Variants in CSMD3 observed in about 807,000 individuals in gnomAD.
CSMD3 encodes the protein CUB and sushi domain-containing protein 3.
CSMD3 carries 177 observed loss-of-function variants against 435.2 expected under a neutral mutation model. The ratio of observed to expected loss-of-function variants is 0.41; its 90% CI spans 0.36 to 0.46. The LOEUF (loss-of-function observed/expected upper bound fraction) is 0.46, where lower values mean the gene tolerates loss of function less well. Ranked by LOEUF, CSMD3 falls within the 20% of genes least tolerant of loss-of-function variation. CSMD3 has a pLI of 0.34. For missense variants in CSMD3, 4,265 were observed against 4,504.6 expected, an observed-to-expected ratio of 0.95 and a Z score of 1.52; for synonymous variants, 1,656 against 1,520.5, an observed-to-expected ratio of 1.09 and a Z score of -2.07.
chr8:112,314,396 G>T (rs2130835235), intron 48 of CSMD3, 33 bp downstream of exon 48: 4 of 1,413,908 alleles, frequency 2.8e-6, no homozygotes, highest in Non-Finnish European at 4.0e-6. Flanking sequence ...GTACTTAATT[G>T]ATGAATATCC....
intron 18 of CSMD3, among the ~76,000 whole-genome samples, chr8:112,655,147 A>G (rs1171043964): frequency 6.6e-6 from 1 of 152,160 alleles, no homozygotes; most frequent in East Asian, 1.9e-4. Context: ...AATTATTTTA[A>G]AAACCCATGA....
At chr8:112,575,994 T>C (rs1433875887) in intron 23 of CSMD3, among the ~76,000 whole-genome samples, 1 of 152,106 alleles carries the variant, frequency 6.6e-6, no homozygotes, top group African/African-American at 2.4e-5. Flanking sequence ...ATTTTCCTTG[T>C]GTTCCCCTTA....
intron 50 of CSMD3, among the ~76,000 whole-genome samples, chr8:112,307,547 T>C (rs908176586): frequency 7.2e-5 from 11 of 152,108 alleles, no homozygotes; most frequent in African/African-American, 9.7e-5. Flanking sequence ...CCTTCCAAAG[T>C]ACTGGGATTA....
intron 45 of CSMD3, among the ~76,000 whole-genome samples, chr8:112,320,311 T>C (rs1822873593): frequency 6.6e-6 from 1 of 152,130 alleles, no homozygotes; most frequent in Non-Finnish European, 1.5e-5. Flanking sequence ...GCTCTGTGCC[T>C]ATCTTTCCCA....
intron 9 of CSMD3, among the ~76,000 whole-genome samples, chr8:112,929,533 G>A (rs1434559763): frequency 1.3e-5 from 2 of 151,846 alleles, no homozygotes; most frequent in African/African-American, 2.4e-5. Context: ...ATTCTGCTTT[G>A]CTTTATCTCT....
intron 59 of CSMD3, among the ~76,000 whole-genome samples, chr8:112,277,967 G>A (rs769615664): frequency 5.3e-5 from 8 of 152,102 alleles, no homozygotes; most frequent in Non-Finnish European, 8.8e-5. Flanking sequence ...GATTTGGGTG[G>A]GGACACAGCC....
intron 5 of CSMD3, among the ~76,000 whole-genome samples, chr8:113,054,191 C>A (rs2088219008): frequency 6.6e-6 from 1 of 152,110 alleles, no homozygotes; most frequent in South Asian, 2.1e-4. Context: ...ATTATTATTT[C>A]TCTTTTCCCA....
chr8:113,044,171 A>G (rs2087736429), intron 5 of CSMD3, among the ~76,000 whole-genome samples: 1 of 152,088 alleles, frequency 6.6e-6, no homozygotes, highest in Admixed American at 6.5e-5. Flanking sequence ...TGAGATTGAT[A>G]TTTCAAAGTA....
intron 16 of CSMD3, among the ~76,000 whole-genome samples, chr8:112,670,460 A>G (rs2075630699): frequency 6.6e-6 from 1 of 152,210 alleles, no homozygotes; most frequent in African/African-American, 2.4e-5. Flanking sequence ...TTCATGTAAA[A>G]TGGATTGCAG....
chr8:112,577,868 A>G (rs1237127315), intron 23 of CSMD3, among the ~76,000 whole-genome samples: 3 of 152,144 alleles, frequency 2.0e-5, no homozygotes, highest in African/African-American at 7.2e-5. Context: ...ATTCTAACTC[A>G]TTTATCTAAT....
At chr8:112,650,679 C>T (rs2075102542) in intron 18 of CSMD3, among the ~76,000 whole-genome samples, 1 of 151,948 alleles carries the variant, frequency 6.6e-6, no homozygotes, top group Non-Finnish European at 1.5e-5. Context: ...TTATTATATT[C>T]CAAGCACCAT....
intron 6 of CSMD3, among the ~76,000 whole-genome samples, chr8:112,998,754 T>C (rs570737985): frequency 1.3e-5 from 2 of 152,078 alleles, no homozygotes; most frequent in African/African-American, 2.4e-5. Context: ...TGGGACGTGA[T>C]GGAATCATGG....
chr8:112,822,895 T>C (rs76797609), intron 12 of CSMD3, among the ~76,000 whole-genome samples: 1 of 152,178 alleles, frequency 6.6e-6, no homozygotes, highest in Admixed American at 6.5e-5. Flanking sequence ...AAGATAATCA[T>C]GTGGTTTTTG....
chr8:112,471,329 C>A (rs1376671922), intron 32 of CSMD3, among the ~76,000 whole-genome samples: 3 of 152,148 alleles, frequency 2.0e-5, no homozygotes, highest in Non-Finnish European at 4.4e-5. Context: ...GAGCATAAAA[C>A]TCTCTAGCAA....
chr8:112,257,253 T>A lies in CSMD3; in HGVS notation c.9863-1826A>T, dbSNP rs115110931. ...CATTCAACCAAATGCTGGCTAAATA[T>A]AAAAACAAGTATTGGAAGTTCTGTC... On this transcript the variant is annotated intron_variant, in intron 61 of 70. Coordinates refer to ENST00000297405, the MANE Select transcript of CSMD3 (RefSeq NM_198123.2). 4.0e-3 allele frequency among the ~76,000 whole-genome samples: 606 copies of A among 152,154 alleles called. 6 individuals carry two copies. Among genetic ancestry groups the A allele is most frequent in the African/African-American group, 0.013 (551 of 41,496 alleles).
At chr8:113,265,929 T>C (rs1463315600) in intron 3 of CSMD3, among the ~76,000 whole-genome samples, 1 of 151,584 alleles carries the variant, frequency 6.6e-6, no homozygotes, top group Non-Finnish European at 1.5e-5. Flanking sequence ...TTTTGAAATA[T>C]AGTAACTCTC....
chr8:112,394,070 A>G (rs1830666955), intron 35 of CSMD3, among the ~76,000 whole-genome samples: 1 of 152,104 alleles, frequency 6.6e-6, no homozygotes, highest in Admixed American at 6.6e-5. Context: ...GATATGTCCA[A>G]AATAATAACT....
At chr8:113,168,833 A>G (rs1346428267) in intron 4 of CSMD3, among the ~76,000 whole-genome samples, 1 of 152,098 alleles carries the variant, frequency 6.6e-6, no homozygotes, top group Non-Finnish European at 1.5e-5. Flanking sequence ...ATCACATTTC[A>G]GCATTTACTC....
intron 16 of CSMD3, among the ~76,000 whole-genome samples, chr8:112,672,354 T>C (rs554064096): frequency 2.0e-5 from 3 of 152,110 alleles, no homozygotes; most frequent in Non-Finnish European, 4.4e-5. Flanking sequence ...GAGCAGTTCA[T>C]GGGGGCCTCT....
Sources: allele counts gnomAD v4.1 joint callset (sites outside exome capture counted in the v4.1 genomes callset), GRCh38; gene constraint gnomAD v4.1.1; transcripts MANE v1.5; gene names NCBI Gene and HGNC (gene_info 2026-07-23, HGNC 2026-07-21).